Variants in RAPGEF5 observed in about 807,000 individuals in gnomAD.
RAPGEF5 encodes the protein Rap guanine nucleotide exchange factor 5.
RAPGEF5 carries 65 observed loss-of-function variants against 125.2 expected under a neutral mutation model. The observed-to-expected ratio is 0.52, with a 90% CI of 0.43 to 0.64. The LOEUF (loss-of-function observed/expected upper bound fraction) is 0.64, where lower values mean the gene tolerates loss of function less well. Among genes scored for constraint, RAPGEF5 ranks in the 30% least tolerant of loss-of-function variants. The probability of loss-of-function intolerance (pLI) is 0.00; values close to 1 mark genes in which losing one functional copy is unlikely to be tolerated. For missense variants in RAPGEF5, 958 were observed against 1,048.1 expected (o/e 0.91, Z 1.19); for synonymous variants, 391 against 385.9 (o/e 1.01, Z -0.16).
chr7:22,166,244 G>C (rs970116423), intron 12 of RAPGEF5, among the ~76,000 whole-genome samples: 2 of 151,792 alleles, frequency 1.3e-5, no homozygotes, highest in East Asian at 1.9e-4. Flanking sequence ...GGTCTTAATA[G>C]AACTTTAGTA....
chr7:22,355,945 A>T, intron 1 of RAPGEF5: 1 of 984,188 alleles, frequency 1.0e-6, no homozygotes, highest in Non-Finnish European at 1.2e-6. Context: ...AGACCACTTA[A>T]TAATAAATTT....
At chr7:22,222,634 A>G (rs765335083) in intron 8 of RAPGEF5, among the ~76,000 whole-genome samples, 12 of 152,338 alleles carry the variant, frequency 7.9e-5, no homozygotes, top group South Asian at 2.1e-4. Flanking sequence ...CAGGAGCCCA[A>G]CACACAATTT....
intron 1 of RAPGEF5, among the ~76,000 whole-genome samples, chr7:22,345,620 C>T (rs1028595204): frequency 6.6e-6 from 1 of 151,008 alleles, no homozygotes; most frequent in African/African-American, 2.4e-5. Context: ...AGAGTGAACA[C>T]ACAACTGCAG....
At chr7:22,316,479 ATATATATATATTTT>A (rs1783597471) in intron 2 of RAPGEF5, among the ~76,000 whole-genome samples, 2 of 92,846 alleles carry the variant, frequency 2.2e-5, no homozygotes, top group South Asian at 4.2e-4. Context: ...ATATATATAT[ATATATATATATTTT>A]TTTTTTTTTT....
chr7:22,325,109 C>T (rs867981148), intron 1 of RAPGEF5, among the ~76,000 whole-genome samples: 3 of 152,180 alleles, frequency 2.0e-5, no homozygotes, highest in East Asian at 1.9e-4. Flanking sequence ...TCCACACAAA[C>T]GCTGCATGAA....
At chr7:22,194,543 G>A in intron 9 of RAPGEF5, 1 of 948,748 alleles carries the variant, frequency 1.1e-6, no homozygotes, top group Non-Finnish European at 1.3e-6. Context: ...TACTTTAAAA[G>A]GCGGCAAGAA....
chr7:22,294,898 T>C (rs1471512592), intron 5 of RAPGEF5, among the ~76,000 whole-genome samples: 1 of 152,260 alleles, frequency 6.6e-6, no homozygotes, highest in Non-Finnish European at 1.5e-5. Context: ...AATCTTTTTA[T>C]ACTTAAAAAT....
At chr7:22,287,359 C>T (rs1782821994) in intron 6 of RAPGEF5, among the ~76,000 whole-genome samples, 1 of 152,190 alleles carries the variant, frequency 6.6e-6, no homozygotes, top group Non-Finnish European at 1.5e-5. Flanking sequence ...TGTGTATCCT[C>T]TTCCAGAGTA....
At chr7:22,302,683 T>C (rs1196931832) in intron 5 of RAPGEF5, among the ~76,000 whole-genome samples, 1 of 152,064 alleles carries the variant, frequency 6.6e-6, no homozygotes, top group Admixed American at 6.5e-5. Flanking sequence ...TGGGCTCTTT[T>C]ACTAAAAGAC....
intron 15 of RAPGEF5, 48 bp downstream of exon 15, chr7:22,157,807 G>C (rs753278720): frequency 1.6e-5 from 25 of 1,568,986 alleles, no homozygotes; most frequent in Non-Finnish European, 1.9e-5. Flanking sequence ...GCAAGGCAAG[G>C]TCTCCAAACC....
chr7:22,294,485 C>T (rs1242548916), intron 5 of RAPGEF5, among the ~76,000 whole-genome samples: 4 of 152,152 alleles, frequency 2.6e-5, no homozygotes, highest in Non-Finnish European at 4.4e-5. Context: ...GCAGAGATGA[C>T]AAAAACCTAT....
At chr7:22,139,950 C>T in intron 21 of RAPGEF5, 75 bp downstream of exon 21, 5 of 1,296,224 alleles carry the variant, frequency 3.9e-6, no homozygotes, top group Non-Finnish European at 5.4e-6. Flanking sequence ...TTTAGTAGTA[C>T]TTATCTCATT....
intron 6 of RAPGEF5, among the ~76,000 whole-genome samples, chr7:22,275,082 T>C (rs1782526357): frequency 6.6e-6 from 1 of 152,164 alleles, no homozygotes; most frequent in Non-Finnish European, 1.5e-5. Context: ...ATATTCTGTC[T>C]GGAATGCCTC....
In RAPGEF5 at chr7:22,232,274, C is replaced by G. The variant is rs77750980; in HGVS notation, c.797-1355G>C. Among the ~76,000 whole-genome samples, 1,103 of 152,056 alleles carry G rather than the reference C, an allele frequency of 7.3e-3. 14 individuals carry two copies. The highest frequency in any genetic ancestry group is 0.025 in the African/African-American group (1,037 of 41,468). On this transcript the variant is annotated intron_variant, in intron 7 of 25. Transcript: ENST00000665637. ...ACCAACCTAGCTGACAGTGAGGTCA[C>G]CCACTGTACTTATTGATTCAGTTTA...
chr7:22,238,028 C>T (rs1237094881), intron 7 of RAPGEF5, among the ~76,000 whole-genome samples: 2 of 152,070 alleles, frequency 1.3e-5, no homozygotes, highest in Admixed American at 6.6e-5. Flanking sequence ...CATAAACAAA[C>T]GTAAACTGAA....
intron 11 of RAPGEF5, among the ~76,000 whole-genome samples, chr7:22,189,999 C>T (rs993795907): frequency 2.6e-5 from 4 of 152,096 alleles, no homozygotes; most frequent in African/African-American, 9.7e-5. Context: ...GAAATTCACT[C>T]GGCTAGGCAG....
rs1345253 is a variant in RAPGEF5, at chr7:22,279,401, T to C, written c.747+11774A>G. ...ATGATTGGCATAGGATCTATTAAGT[T>C]TGAAAACTTGCTCTGTTATCTACTA... On this transcript the variant is annotated intron_variant, in intron 6 of 25. Coordinates refer to ENST00000665637, the MANE Select transcript of RAPGEF5 (RefSeq NM_012294.5). Among the ~76,000 whole-genome samples, 46 of 152,260 alleles carry C rather than the reference T, an allele frequency of 3.0e-4. 1 individual carries two copies. The East Asian group carries it at 7.9e-3, about 26-fold the overall frequency.
intron 1 of RAPGEF5, 117 bp downstream of exon 1, chr7:22,356,713 G>C (rs1023045106): frequency 1.7e-5 from 8 of 470,314 alleles, no homozygotes; most frequent in African/African-American, 2.1e-5. Context: ...CCGGCAGAAG[G>C]GCGTCCCTTC....
At chr7:22,203,167 T>C (rs943533842) in intron 9 of RAPGEF5, among the ~76,000 whole-genome samples, 2 of 152,152 alleles carry the variant, frequency 1.3e-5, no homozygotes, top group South Asian at 2.1e-4. Flanking sequence ...AGGAGTTAAC[T>C]ACAGAGCTCA....
Sources: gnomAD v4.1 joint callset for allele counts (sites outside exome capture counted in the v4.1 genomes callset) on GRCh38, gnomAD v4.1.1 for gene constraint, MANE v1.5 for transcripts, NCBI Gene and HGNC (gene_info 2026-07-23, HGNC 2026-07-21) for gene names.